The following MICU1 variants were observed in gnomAD, a reference collection of about 807,000 sequenced individuals.
MICU1 encodes the protein calcium uptake protein 1, mitochondrial.
A neutral mutation model predicts 56.8 loss-of-function variants in MICU1; 45 were observed. That is an observed-to-expected ratio of 0.79 (90% CI 0.62 to 1.02). MICU1 has a LOEUF of 1.02. Among genes scored for constraint, MICU1 ranks in the 50% least tolerant of loss-of-function variants. The pLI is 0.00. For missense variants in MICU1, 504 were observed against 587.1 expected, an observed-to-expected ratio of 0.86 and a Z score of 1.46; for synonymous variants, 186 against 195.1, an observed-to-expected ratio of 0.95 and a Z score of 0.39.
At chr10:72,432,762 G>A (rs771450507) in intron 8 of MICU1, among the ~76,000 whole-genome samples, 2 of 152,164 alleles carry the variant, frequency 1.3e-5, no homozygotes, top group Admixed American at 6.6e-5. Flanking sequence ...CCACTCCCAC[G>A]ACCCAAACAC....
At chr10:72,525,751 T>C (rs375937127) in intron 5 of MICU1, among the ~76,000 whole-genome samples, 13 of 152,268 alleles carry the variant, frequency 8.5e-5, no homozygotes, top group African/African-American at 2.9e-4. Context: ...ACAGCTATAA[T>C]TTGTAGAGCT....
At chr10:72,551,092 G>T in intron 4 of MICU1, 87 bp downstream of exon 4, 1 of 1,283,282 alleles carries the variant, frequency 7.8e-7, no homozygotes, top group Non-Finnish European at 1.1e-6. Context: ...ACAAGGACCT[G>T]TAAGATTTCA....
At chr10:72,404,356 A>C (rs1038562537) in intron 10 of MICU1, among the ~76,000 whole-genome samples, 1 of 152,220 alleles carries the variant, frequency 6.6e-6, no homozygotes, top group East Asian at 1.9e-4. Flanking sequence ...GTTTCATCTT[A>C]AGAAGCTTAG....
intron 11 of MICU1, among the ~76,000 whole-genome samples, chr10:72,368,825 T>C (rs1179906193): frequency 6.6e-6 from 1 of 151,956 alleles, no homozygotes; most frequent in Non-Finnish European, 1.5e-5. Flanking sequence ...TTAGCAGCAA[T>C]TGGCCAAGTT....
chr10:72,523,972 T>C (rs1383048882), intron 5 of MICU1: 4 of 1,317,070 alleles, frequency 3.0e-6, no homozygotes, highest in Non-Finnish European at 3.9e-6. Flanking sequence ...TAAGCCATTT[T>C]ACTGAGCAAA....
At chr10:72,495,517 G>A (rs984758044) in intron 6 of MICU1, among the ~76,000 whole-genome samples, 5 of 152,042 alleles carry the variant, frequency 3.3e-5, no homozygotes, top group African/African-American at 9.7e-5. Context: ...TTAGCTGAGC[G>A]TGGTGGCGGG....
At chr10:72,485,904 C>A (rs1866456615) in intron 6 of MICU1, among the ~76,000 whole-genome samples, 1 of 151,714 alleles carries the variant, frequency 6.6e-6, no homozygotes, top group Non-Finnish European at 1.5e-5. Flanking sequence ...CACACGCACA[C>A]ACACACACAC....
chr10:72,480,402 T>C (rs1415843908), intron 6 of MICU1, among the ~76,000 whole-genome samples: 1 of 152,120 alleles, frequency 6.6e-6, no homozygotes, highest in African/African-American at 2.4e-5. Context: ...CAGGAGACAG[T>C]TGGAAATATG....
At chr10:72,414,541 T>C (rs1052390180) in intron 9 of MICU1, among the ~76,000 whole-genome samples, 2 of 152,128 alleles carry the variant, frequency 1.3e-5, no homozygotes, top group South Asian at 2.1e-4. Context: ...GAAATGAGGA[T>C]TGACTGAAAG....
intron 9 of MICU1, among the ~76,000 whole-genome samples, chr10:72,420,076 T>C (rs940017128): frequency 6.6e-6 from 1 of 152,220 alleles, no homozygotes; most frequent in African/African-American, 2.4e-5. Flanking sequence ...CCTTTTTTTT[T>C]AAGACGGAGT....
At chr10:72,568,442 C>G (rs527632764) in intron 1 of MICU1, among the ~76,000 whole-genome samples, 1 of 152,074 alleles carries the variant, frequency 6.6e-6, no homozygotes, top group East Asian at 1.9e-4. Flanking sequence ...GAATGTGGAC[C>G]AGTTCCATGA....
At chr10:72,480,065 T>G (rs568896667) in intron 6 of MICU1, among the ~76,000 whole-genome samples, 1 of 152,180 alleles carries the variant, frequency 6.6e-6, no homozygotes, top group Non-Finnish European at 1.5e-5. Flanking sequence ...GTGTGAAGAA[T>G]GAGTTGGAAA....
At chr10:72,399,733 C>T (rs758648155) in intron 10 of MICU1, among the ~76,000 whole-genome samples, 1 of 152,104 alleles carries the variant, frequency 6.6e-6, no homozygotes, top group African/African-American at 2.4e-5. Context: ...GAGACCAAGG[C>T]GGACAGATCA....
intron 8 of MICU1, among the ~76,000 whole-genome samples, chr10:72,467,460 G>A (rs1227361142): frequency 6.6e-6 from 1 of 152,060 alleles, no homozygotes; most frequent in Non-Finnish European, 1.5e-5. Flanking sequence ...TGGGATTATA[G>A]GCATGAGCCA....
chr10:72,485,445 G>A (rs1003115547), intron 6 of MICU1, among the ~76,000 whole-genome samples: 1 of 150,852 alleles, frequency 6.6e-6, no homozygotes, highest in Non-Finnish European at 1.5e-5. Flanking sequence ...TTATAAATCA[G>A]GATTATATAA....
chr10:72,447,486 T>C (rs1012764668), intron 8 of MICU1, among the ~76,000 whole-genome samples: 1 of 152,186 alleles, frequency 6.6e-6, no homozygotes, highest in Non-Finnish European at 1.5e-5. Context: ...ACAGACTGAC[T>C]GTAAGTATAC....
chr10:72,509,832 A>G (rs2132351373), intron 5 of MICU1, among the ~76,000 whole-genome samples: 1 of 152,358 alleles, frequency 6.6e-6, no homozygotes, highest in South Asian at 2.1e-4. Context: ...CTACTGGATG[A>G]GAACTAGAAC....
At chr10:72,534,132 T>A (rs1254986117) in intron 4 of MICU1, among the ~76,000 whole-genome samples, 1 of 150,640 alleles carries the variant, frequency 6.6e-6, no homozygotes, top group African/African-American at 2.4e-5. Context: ...AGGTAAGGAA[T>A]ATTAGTTTAA....
intron 1 of MICU1, among the ~76,000 whole-genome samples, chr10:72,581,949 A>T (rs1840910625): frequency 6.6e-6 from 1 of 152,184 alleles, no homozygotes; most frequent in Admixed American, 6.6e-5. Context: ...TGTTTTTCAG[A>T]TGGAGTTTTC....
Sources: gnomAD v4.1 joint callset for allele counts (sites outside exome capture counted in the v4.1 genomes callset) on GRCh38, gnomAD v4.1.1 for gene constraint, MANE v1.5 for transcripts, NCBI Gene and HGNC (gene_info 2026-07-23, HGNC 2026-07-21) for gene names.